The following NR3C2 variants were observed in gnomAD, a reference collection of about 807,000 sequenced individuals.
NR3C2 encodes nuclear receptor subfamily 3 group C member 2.
A neutral mutation model predicts 86.4 loss-of-function variants in NR3C2; 15 were observed. That is an observed-to-expected ratio of 0.17 (90% CI 0.12 to 0.27). NR3C2 has a LOEUF of 0.27. Among genes scored for constraint, NR3C2 ranks in the 10% least tolerant of loss-of-function variants. NR3C2 has a pLI of 1.00. For synonymous variants in NR3C2, 458 were observed against 450.5 expected, an observed-to-expected ratio of 1.02 and a Z score of -0.21; for missense variants, 960 against 1,195.6, an observed-to-expected ratio of 0.80 and a Z score of 2.91.
chr4:148,157,248 A>G (rs1381762271), intron 4 of NR3C2, among the ~76,000 whole-genome samples: 1 of 151,824 alleles, frequency 6.6e-6, no homozygotes, highest in Non-Finnish European at 1.5e-5. Flanking sequence ...TGGCACATGT[A>G]TACATATGTA....
intron 2 of NR3C2, among the ~76,000 whole-genome samples, chr4:148,348,602 C>G (rs900861680): frequency 6.6e-6 from 1 of 152,076 alleles, no homozygotes; most frequent in Non-Finnish European, 1.5e-5. Context: ...CCAGGGTCAT[C>G]ATTATGAACT....
intron 2 of NR3C2, among the ~76,000 whole-genome samples, chr4:148,267,986 C>T (rs1740485841): frequency 7.2e-6 from 1 of 139,764 alleles, no homozygotes; most frequent in Admixed American, 7.8e-5. Flanking sequence ...GTCGCCCAGG[C>T]TGGAGTTCAG....
chr4:148,204,148 A>G (rs1736881418), intron 3 of NR3C2, among the ~76,000 whole-genome samples: 1 of 152,198 alleles, frequency 6.6e-6, no homozygotes, highest in South Asian at 2.1e-4. Context: ...ATTTTAGTAA[A>G]AGATAATCAA....
chr4:148,174,542 G>A (rs185427090), intron 4 of NR3C2, among the ~76,000 whole-genome samples: 3 of 152,306 alleles, frequency 2.0e-5, no homozygotes, highest in South Asian at 4.1e-4. Context: ...TGACCAGCAC[G>A]AGCAAAGGCA....
At position 148,080,825 on chromosome 4, in the gene NR3C2, C is replaced by G; in HGVS notation, c.*519G>C. The G allele has an allele frequency of 7.0e-6, 3 of 425,578 alleles. No individual in the cohort carries two copies. Among genetic ancestry groups the G allele is most frequent in the South Asian group, 3.4e-5 (2 of 59,156 alleles). 26.4% of individuals were successfully genotyped at this position (425,578 alleles called of 1,614,324 possible). ...GGGCTCAGAGGCAGCTGCTGCCCCA[C>G]GCCACGAGTTCTGTTATTACACAAC... is the stretch of plus-strand genomic sequence containing the variant. On this transcript the variant is annotated 3_prime_UTR_variant, in exon 9 of 9. Coordinates refer to ENST00000358102, the MANE Select transcript of NR3C2 (RefSeq NM_000901.5).
chr4:148,220,199 A>C (rs1737764762), intron 3 of NR3C2, among the ~76,000 whole-genome samples: 1 of 151,934 alleles, frequency 6.6e-6, no homozygotes, highest in Non-Finnish European at 1.5e-5. Flanking sequence ...TGATCCTCCC[A>C]CCTCAGCCTC....
chr4:148,154,388 C>A (rs1041429036), intron 5 of NR3C2, among the ~76,000 whole-genome samples, 163 bp downstream of exon 5: 1 of 152,146 alleles, frequency 6.6e-6, no homozygotes, highest in Admixed American at 6.5e-5. Context: ...GCACATTAAC[C>A]ATATTTTTCC....
intron 2 of NR3C2, among the ~76,000 whole-genome samples, chr4:148,408,118 G>A (rs892553376): frequency 6.6e-6 from 1 of 152,196 alleles, no homozygotes; most frequent in Admixed American, 6.5e-5. Flanking sequence ...AATACCCTTA[G>A]CTACAAAATA....
intron 3 of NR3C2, among the ~76,000 whole-genome samples, chr4:148,220,769 C>T (rs1414604183): frequency 6.6e-6 from 1 of 152,184 alleles, no homozygotes; most frequent in African/African-American, 2.4e-5. Context: ...GCACTCCAGC[C>T]TGGGTGACAG....
At chr4:148,287,051 A>AAAAACTAG (rs1437428028) in intron 2 of NR3C2, among the ~76,000 whole-genome samples, 1 of 152,270 alleles carries the variant, frequency 6.6e-6, no homozygotes, top group African/African-American at 2.4e-5. Flanking sequence ...TTATTTAAAC[A>AAAAACTAG]AAAACTAGAG....
chr4:148,144,485 G>A (rs1733769064), intron 6 of NR3C2, among the ~76,000 whole-genome samples: 1 of 152,168 alleles, frequency 6.6e-6, no homozygotes. Flanking sequence ...GAGGTACCAT[G>A]CCTGGCTAAA....
intron 4 of NR3C2, among the ~76,000 whole-genome samples, chr4:148,173,997 T>A (rs1380025949): frequency 6.6e-6 from 1 of 152,222 alleles, no homozygotes; most frequent in East Asian, 1.9e-4. Flanking sequence ...TGTGTGTGTT[T>A]CTGGGTTGAA....
chr4:148,094,831 G>A (rs914219667), intron 8 of NR3C2, among the ~76,000 whole-genome samples: 21 of 151,624 alleles, frequency 1.4e-4, no homozygotes, highest in African/African-American at 4.4e-4. Flanking sequence ...ACAGATTAAC[G>A]AAATGTGGCA....
chr4:148,258,855 A>G (rs1739953978), intron 3 of NR3C2, among the ~76,000 whole-genome samples: 1 of 152,170 alleles, frequency 6.6e-6, no homozygotes, highest in Non-Finnish European at 1.5e-5. Flanking sequence ...AGTTTGCTGT[A>G]TTTTCTATCA....
Position 148,080,717 on chromosome 4 carries a change from A to G in NR3C2, c.*627T>C, listed in dbSNP as rs545059816. ...TAGAAATCAAACCAAGGCATTTAAC[A>G]TCATCTTATCCATTCTAATTAAATA... On this transcript the variant is annotated 3_prime_UTR_variant, in exon 9 of 9. Coordinates refer to ENST00000358102, the MANE Select transcript of NR3C2 (RefSeq NM_000901.5). 7.9e-5 allele frequency: 25 copies of G among 314,974 alleles called. No individual in the cohort carries two copies. The highest frequency in any genetic ancestry group is 8.0e-4 in the Middle Eastern group (2 of 2,498). 19.5% of individuals were successfully genotyped at this position (314,974 alleles called of 1,614,324 possible). A position where few individuals can be genotyped will look rare whatever the true frequency, so the allele number is the denominator to read the frequency against.
chr4:148,329,997 C>A (rs1193525305), intron 2 of NR3C2, among the ~76,000 whole-genome samples: 1 of 152,138 alleles, frequency 6.6e-6, no homozygotes, highest in East Asian at 1.9e-4. Context: ...GCCAGGGAGG[C>A]TGCACTACAA....
intron 2 of NR3C2, among the ~76,000 whole-genome samples, chr4:148,421,871 T>C (rs1410247643): frequency 6.6e-6 from 1 of 152,102 alleles, no homozygotes; most frequent in Non-Finnish European, 1.5e-5. Flanking sequence ...CTTCAAAAAA[T>C]GCACAGTTCA....
In NR3C2 at chr4:148,249,037, A is replaced by G. The variant is rs555449874; in HGVS notation, c.1897+10941T>C. 6.6e-5 allele frequency among the ~76,000 whole-genome samples: 10 copies of G among 152,288 alleles called. No individual in the cohort carries two copies. In the East Asian group the frequency reaches 1.4e-3, roughly 21 times the overall value. On this transcript the variant is annotated intron_variant, in intron 3 of 8. Coordinates refer to ENST00000358102, the MANE Select transcript of NR3C2 (RefSeq NM_000901.5). The stretch of plus-strand genomic sequence containing the variant: ...CTCTGAGTGGGCAGTATCATTCTGT[A>G]TAACACTATATAAAAATGATATTGG...
intron 2 of NR3C2, among the ~76,000 whole-genome samples, chr4:148,309,198 A>C (rs1561032612): frequency 6.6e-6 from 1 of 152,188 alleles, no homozygotes; most frequent in Non-Finnish European, 1.5e-5. Flanking sequence ...AAAGAATAAG[A>C]GATGGACACC....
Sources: allele counts gnomAD v4.1 joint callset (sites outside exome capture counted in the v4.1 genomes callset), GRCh38; gene constraint gnomAD v4.1.1; transcripts MANE v1.5; gene names NCBI Gene and HGNC (gene_info 2026-07-23, HGNC 2026-07-21).